Variants in USP31 observed in about 807,000 individuals in gnomAD.
USP31 encodes the protein ubiquitin carboxyl-terminal hydrolase 31.
In USP31, 44 loss-of-function variants were observed where a neutral mutation model predicts 119.4. The ratio of observed to expected loss-of-function variants is 0.37; its 90% CI spans 0.29 to 0.47. The LOEUF is 0.47. Among genes scored for constraint, USP31 ranks in the 20% least tolerant of loss-of-function variants. The pLI, the probability that USP31 is intolerant of heterozygous loss-of-function variation, is 0.99. For missense variants in USP31, 1,643 were observed against 1,730.2 expected, an observed-to-expected ratio of 0.95 and a Z score of 0.89; for synonymous variants, 749 against 705.6, an observed-to-expected ratio of 1.06 and a Z score of -0.97.
chr16:23,091,019 C>T (rs558255008), intron 6 of USP31, among the ~76,000 whole-genome samples: 1 of 152,088 alleles, frequency 6.6e-6, no homozygotes, highest in Non-Finnish European at 1.5e-5. Context: ...ACTAGCCTTA[C>T]CTATCTTAAA....
chr16:23,089,852 A>G (rs1188901955), intron 7 of USP31, among the ~76,000 whole-genome samples: 1 of 152,238 alleles, frequency 6.6e-6, no homozygotes, highest in East Asian at 1.9e-4. Flanking sequence ...CCAAGATGGG[A>G]AATACTGGAG....
chr16:23,113,614 G>C (rs2141881295), intron 1 of USP31, among the ~76,000 whole-genome samples: 1 of 152,244 alleles, frequency 6.6e-6, no homozygotes, highest in South Asian at 2.1e-4. Context: ...TCTCAATGAA[G>C]CAGAATATTT....
At chr16:23,092,871 G>A (rs1901431088) in intron 6 of USP31, among the ~76,000 whole-genome samples, 1 of 152,006 alleles carries the variant, frequency 6.6e-6, no homozygotes, top group Admixed American at 6.6e-5. Flanking sequence ...GGAAGTAGAG[G>A]GTAAAGTAAA....
Position 23,061,436 on chromosome 16 carries a change from GT to G in USP31, c.*6609del, listed in dbSNP as rs1167455030. 6.6e-6 allele frequency: 1 copy of G among 152,584 alleles called. No homozygotes were observed. Among genetic ancestry groups the G allele is most frequent in the African/African-American group, 2.4e-5 (1 of 41,424 alleles). 9.5% of individuals were successfully genotyped at this position (152,584 alleles called of 1,614,324 possible). A position where few individuals can be genotyped will look rare whatever the true frequency, so the allele number is the denominator to read the frequency against. The stretch of plus-strand genomic sequence containing the variant: ...GAGGACATCTTGTAATAAATTTATT[GT>G]ATTTTGTTACATTTTCCACTTTTCT... On this transcript the variant is annotated 3_prime_UTR_variant, in exon 16 of 16. Coordinates refer to ENST00000219689, the MANE Select transcript of USP31 (RefSeq NM_020718.4).
intron 6 of USP31, among the ~76,000 whole-genome samples, chr16:23,093,572 T>C (rs1425689759): frequency 6.6e-6 from 1 of 152,204 alleles, no homozygotes; most frequent in Non-Finnish European, 1.5e-5. Context: ...CTCTCATCTA[T>C]TGCTGGTGGA....
chr16:23,136,872 T>C (rs1415180956), intron 1 of USP31, among the ~76,000 whole-genome samples: 2 of 152,206 alleles, frequency 1.3e-5, no homozygotes, highest in Admixed American at 6.5e-5. Flanking sequence ...AAATGAACTA[T>C]ATGCACTTGA....
chr16:23,087,906 C>G (rs3812995), intron 7 of USP31, 71 bp from the exon 8 acceptor site: 3 of 1,353,938 alleles, frequency 2.2e-6, no homozygotes, highest in Non-Finnish European at 3.1e-6. Flanking sequence ...CTTTTTTTCT[C>G]GATCTCTTAA....
At chr16:23,102,284 C>G in intron 6 of USP31, 35 bp downstream of exon 6, 2 of 1,594,134 alleles carry the variant, frequency 1.3e-6, no homozygotes, top group Non-Finnish European at 8.5e-7. Context: ...AACCTGCAAA[C>G]CCAGGTGGCA....
intron 1 of USP31, among the ~76,000 whole-genome samples, chr16:23,110,721 G>A (rs1902284757): frequency 6.6e-6 from 1 of 152,150 alleles, no homozygotes; most frequent in African/African-American, 2.4e-5. Flanking sequence ...AAGTAAAATG[G>A]ATAATAATGA....
At chr16:23,091,126 T>G (rs1056850196) in intron 6 of USP31, among the ~76,000 whole-genome samples, 2 of 152,194 alleles carry the variant, frequency 1.3e-5, no homozygotes, top group African/African-American at 4.8e-5. Context: ...AGTGAGGTCA[T>G]GCAACCAGTA....
At position 23,082,547 on chromosome 16, in the gene USP31, T is replaced by A. The variant is rs1900878517; in HGVS notation, c.1841A>T (p.Asp614Val). 6.2e-7 allele frequency: 1 copy of A among 1,614,022 alleles called. No individual in the cohort carries two copies. The highest frequency in any genetic ancestry group is 1.3e-5 in the African/African-American group (1 of 74,918). The change falls in exon 12 of 16, where the codon GAT (aspartate) becomes GTT (valine). Residue 614 changes from aspartate to valine, a missense_variant. Physicochemically the swap from Asp to Val is radical, Grantham distance 152 (BLOSUM62 -3). Transcript: ENST00000219689. ...LYTKEERLAP[D>V]DAWRCPHCKQ... ...ACAGTGTGGGCAACGCCAGGCATCA[T>A]CGGGGGCAAGCTGAAAACAGAAGCA...
intron 1 of USP31, among the ~76,000 whole-genome samples, chr16:23,111,001 G>C (rs977851026): frequency 7.2e-5 from 11 of 152,034 alleles, no homozygotes; most frequent in Non-Finnish European, 1.5e-4. Flanking sequence ...GGTGGTGGGC[G>C]CCTGTAGTCC....
chr16:23,111,148 T>A (rs12933261), intron 1 of USP31, among the ~76,000 whole-genome samples: 41,505 of 151,522 alleles, frequency 0.27, 6,121 homozygotes, highest in Admixed American at 0.35. Context: ...AAATAAATAA[T>A]TAATTAAATA....
chr16:23,140,040 C>T (rs746564737), intron 1 of USP31, among the ~76,000 whole-genome samples: 17 of 152,092 alleles, frequency 1.1e-4, no homozygotes, highest in East Asian at 3.9e-4. Flanking sequence ...ATTGTTTTCT[C>T]GCTGTATTTA....
chr16:23,086,010 G>A (rs1020354625), intron 9 of USP31, among the ~76,000 whole-genome samples: 3 of 152,092 alleles, frequency 2.0e-5, no homozygotes, highest in Non-Finnish European at 2.9e-5. Flanking sequence ...AACAGACACT[G>A]GACGGTAGTC....
chr16:23,149,397 A>G lies in USP31; in HGVS notation c.-127T>C, dbSNP rs1903655685. On this transcript the variant is annotated 5_prime_UTR_variant, in exon 1 of 16. Transcript: ENST00000219689. The stretch of plus-strand genomic sequence containing the variant: ...GGGCTCGACGCCCCACACACCTCAA[A>G]GCGCAGCCGAGCCAGCGAGCGAGCG... 2 of 934,262 alleles carry G rather than the reference A, an allele frequency of 2.1e-6. No individual in the cohort carries two copies. Among genetic ancestry groups the G allele is most frequent in the Non-Finnish European group, 2.5e-6 (2 of 785,326 alleles). The allele number at this position is 934,262 out of a possible 1,614,324, so 57.9% of individuals were successfully genotyped here.
At chr16:23,122,024 A>C (rs1243675929) in intron 1 of USP31, among the ~76,000 whole-genome samples, 2 of 152,248 alleles carry the variant, frequency 1.3e-5, no homozygotes, top group African/African-American at 4.8e-5. Context: ...AATACAAAAT[A>C]AAGATCACAT....
At chr16:23,136,481 C>T (rs983823187) in intron 1 of USP31, among the ~76,000 whole-genome samples, 1 of 151,948 alleles carries the variant, frequency 6.6e-6, no homozygotes, top group Non-Finnish European at 1.5e-5. Flanking sequence ...GGTGAAACCC[C>T]GTCTCTACTA....
intron 13 of USP31, among the ~76,000 whole-genome samples, chr16:23,078,144 T>C (rs1458802603): frequency 2.6e-5 from 4 of 151,750 alleles, no homozygotes; most frequent in African/African-American, 9.7e-5. Context: ...AAACCCCGTC[T>C]CTATTAAAAA....
Sources: gnomAD v4.1 joint callset for allele counts (sites outside exome capture counted in the v4.1 genomes callset) on GRCh38, gnomAD v4.1.1 for gene constraint, MANE v1.5 for transcripts, NCBI Gene and HGNC (gene_info 2026-07-23, HGNC 2026-07-21) for gene names.